CALCRL: variants seen among roughly 807,000 people sequenced by gnomAD.
The protein encoded by CALCRL is calcitonin gene-related peptide type 1 receptor.
Under a neutral mutation model 60.4 loss-of-function variants are expected in CALCRL, and 27 were observed. That is an observed-to-expected ratio of 0.45 (90% CI 0.33 to 0.62). CALCRL has a LOEUF of 0.62. Among genes scored for constraint, CALCRL ranks in the 20% least tolerant of loss-of-function variants. The pLI is 0.03. For synonymous variants in CALCRL, 190 were observed against 182.6 expected (o/e 1.04, Z -0.33); for missense variants, 424 against 540.7 (o/e 0.78, Z 2.14).
intron 1 of CALCRL, among the ~76,000 whole-genome samples, chr2:187,435,670 C>A (rs1690605010): frequency 1.3e-5 from 2 of 152,040 alleles, no homozygotes; most frequent in Admixed American, 6.6e-5. Flanking sequence ...ATATGAAATG[C>A]AATTTATTAG....
At chr2:187,379,458 C>T (rs1472988353) in intron 7 of CALCRL, among the ~76,000 whole-genome samples, 1 of 152,002 alleles carries the variant, frequency 6.6e-6, no homozygotes, top group Admixed American at 6.6e-5. Flanking sequence ...GTTTCTTTTT[C>T]CTTTGACAAA....
At chr2:187,427,144 A>G (rs1039688339) in intron 1 of CALCRL, among the ~76,000 whole-genome samples, 6 of 152,130 alleles carry the variant, frequency 3.9e-5, no homozygotes, top group Non-Finnish European at 5.9e-5. Flanking sequence ...GAAAAGGAAG[A>G]TTGTGAAAAG....
intron 5 of CALCRL, among the ~76,000 whole-genome samples, chr2:187,380,998 A>T (rs1320675905): frequency 1.3e-5 from 2 of 152,072 alleles, no homozygotes; most frequent in African/African-American, 4.8e-5. Flanking sequence ...AAATTTAAAA[A>T]TATCTAAATA....
At chr2:187,444,530 A>G (rs1278545390) in intron 1 of CALCRL, among the ~76,000 whole-genome samples, 1 of 151,614 alleles carries the variant, frequency 6.6e-6, no homozygotes, top group Non-Finnish European at 1.5e-5. Context: ...GCAAACAATA[A>G]TATTTTGGTG....
intron 14 of CALCRL, among the ~76,000 whole-genome samples, chr2:187,348,226 T>C (rs1029760069): frequency 6.6e-6 from 1 of 151,686 alleles, no homozygotes; most frequent in Admixed American, 6.6e-5. Flanking sequence ...AAACTACAAA[T>C]TGAATGGCTT....
intron 4 of CALCRL, among the ~76,000 whole-genome samples, chr2:187,385,278 T>C (rs977356433): frequency 6.6e-6 from 1 of 152,058 alleles, no homozygotes; most frequent in Non-Finnish European, 1.5e-5. Context: ...GTCATTCCAT[T>C]TTTTTTTCAA....
intron 1 of CALCRL, among the ~76,000 whole-genome samples, chr2:187,437,899 G>T (rs1043867664): frequency 6.6e-6 from 1 of 152,158 alleles, no homozygotes; most frequent in South Asian, 2.1e-4. Context: ...TGTGATAAGA[G>T]AATATGTAGA....
intron 1 of CALCRL, among the ~76,000 whole-genome samples, chr2:187,395,678 G>C (rs698575): frequency 0.024 from 3,611 of 152,040 alleles, 142 homozygotes; most frequent in African/African-American, 0.082. Context: ...TCAAGTTGAA[G>C]AACAGTATTC....
chr2:187,406,961 A>G (rs1356243916), intron 1 of CALCRL, among the ~76,000 whole-genome samples: 2 of 152,066 alleles, frequency 1.3e-5, no homozygotes, highest in African/African-American at 4.8e-5. Context: ...CTTAACTATC[A>G]TTCCCAAAAA....
At chr2:187,384,343 TC>T (rs1479830314) in intron 4 of CALCRL, among the ~76,000 whole-genome samples, 1 of 152,176 alleles carries the variant, frequency 6.6e-6, no homozygotes, top group Non-Finnish European at 1.5e-5. Context: ...CTCCTGTTCT[TC>T]CCAAAAAGTC....
chr2:187,380,323 T>G (rs988613973), intron 7 of CALCRL, 144 bp downstream of exon 7: 2 of 523,556 alleles, frequency 3.8e-6, no homozygotes. Flanking sequence ...GATATATTTC[T>G]TCTTTATTCT....
chr2:187,346,364 G>T lies in CALCRL; in HGVS notation c.1206C>A (p.Tyr402Ter), dbSNP rs1398909122. 18 of 1,611,810 alleles carry T rather than the reference G, an allele frequency of 1.1e-5. No homozygotes were observed. The highest frequency in any genetic ancestry group is 1.3e-5 in the Non-Finnish European group (15 of 1,178,672). The change falls in exon 15 of 15, where the codon TAC becomes TAA. Residue 402 changes from tyrosine to a stop codon, truncating the protein, a stop_gained. Coordinates refer to ENST00000392370, the MANE Select transcript of CALCRL (RefSeq NM_005795.6). LOFTEE classifies it high-confidence loss of function. Reference protein sequence around the residue: ...QAILRRNWNQYKIQFGNSFSN... With the variant: ...QAILRRNWNQ ...AAAAGCTGTTTCCAAATTGGATTTT[G>T]TATTGATTCCAGTTTCTTCTCAGAA...
At chr2:187,379,228 A>C (rs1687890389) in intron 7 of CALCRL, among the ~76,000 whole-genome samples, 197 bp from the exon 8 acceptor site, 1 of 152,124 alleles carries the variant, frequency 6.6e-6, no homozygotes, top group Non-Finnish European at 1.5e-5. Flanking sequence ...ATCCAGTGAA[A>C]TTATCAAAAT....
chr2:187,370,729 C>A (rs2105754771), intron 8 of CALCRL, among the ~76,000 whole-genome samples: 1 of 152,220 alleles, frequency 6.6e-6, no homozygotes, highest in East Asian at 1.9e-4. Context: ...AAAGCATGTC[C>A]ATTACTTCTT....
At chr2:187,374,274 T>C (rs1253413002) in intron 8 of CALCRL, among the ~76,000 whole-genome samples, 1 of 152,202 alleles carries the variant, frequency 6.6e-6, no homozygotes, top group East Asian at 1.9e-4. Context: ...AGACGGTTTC[T>C]CATGTTTTAC....
At chr2:187,409,260 C>A (rs1475314479) in intron 1 of CALCRL, among the ~76,000 whole-genome samples, 1 of 152,092 alleles carries the variant, frequency 6.6e-6, no homozygotes, top group Admixed American at 6.6e-5. Context: ...GGGGAATAAC[C>A]TTAGTAGGGT....
intron 8 of CALCRL, among the ~76,000 whole-genome samples, chr2:187,371,858 C>T (rs1181428755): frequency 1.3e-5 from 2 of 151,880 alleles, no homozygotes; most frequent in African/African-American, 4.8e-5. Flanking sequence ...TAACAGGTCA[C>T]AATATTGGTT....
At chr2:187,418,916 C>T (rs1194344093) in intron 1 of CALCRL, among the ~76,000 whole-genome samples, 3 of 140,742 alleles carry the variant, frequency 2.1e-5, no homozygotes, top group African/African-American at 5.3e-5. Context: ...GGTGCAGTGG[C>T]GTGATCTCGG....
At chr2:187,441,059 T>C (rs1296770114) in intron 1 of CALCRL, among the ~76,000 whole-genome samples, 1 of 152,002 alleles carries the variant, frequency 6.6e-6, no homozygotes, top group East Asian at 1.9e-4. Context: ...TCTTTAACCT[T>C]GGTATTTGCA....
Sources: allele counts gnomAD v4.1 joint callset (sites outside exome capture counted in the v4.1 genomes callset), GRCh38; gene constraint gnomAD v4.1.1; transcripts MANE v1.5; gene names NCBI Gene and HGNC (gene_info 2026-07-23, HGNC 2026-07-21).